The following EBF1 variants were observed in gnomAD, a reference collection of about 807,000 sequenced individuals.
The protein encoded by EBF1 is transcription factor COE1.
EBF1 carries 10 observed loss-of-function variants against 68.4 expected under a neutral mutation model. The observed-to-expected ratio is 0.15, with a 90% CI of 0.09 to 0.25. The LOEUF is 0.25. Ranked by LOEUF, EBF1 falls within the 10% of genes least tolerant of loss-of-function variation. EBF1 has a pLI of 1.00. For synonymous variants in EBF1, 298 were observed against 299.8 expected (o/e 0.99, Z 0.06); for missense variants, 509 against 794.4 (o/e 0.64, Z 4.32).
chr5:158,970,929 A>C (rs987532967), intron 6 of EBF1, among the ~76,000 whole-genome samples: 1 of 152,170 alleles, frequency 6.6e-6, no homozygotes, highest in Non-Finnish European at 1.5e-5. Flanking sequence ...TTTTAGAAGG[A>C]GATTCTTTCT....
intron 8 of EBF1, among the ~76,000 whole-genome samples, chr5:158,800,924 T>G (rs772174289): frequency 6.6e-6 from 1 of 152,158 alleles, no homozygotes; most frequent in Non-Finnish European, 1.5e-5. Flanking sequence ...TACCAGCAAA[T>G]TTTTGATTTA....
intron 6 of EBF1, among the ~76,000 whole-genome samples, chr5:158,918,536 T>C (rs960404450): frequency 6.6e-6 from 1 of 152,150 alleles, no homozygotes; most frequent in Admixed American, 6.5e-5. Flanking sequence ...ATAAAGAGAT[T>C]GAGACTAAGA....
chr5:158,817,571 T>C (rs944509929), intron 8 of EBF1, among the ~76,000 whole-genome samples: 2 of 148,872 alleles, frequency 1.3e-5, no homozygotes, highest in African/African-American at 4.9e-5. Context: ...CCGTAAGACA[T>C]AAACTCCTTT....
Position 158,709,666 on chromosome 5 carries a change from G to C in EBF1, c.1550-1493C>G, listed in dbSNP as rs569523455. ...TCCACACGCACTGAGTGCTTTATGG[G>C]GCAGAATGCAGAGCCACCATCCTCA... On this transcript the variant is annotated intron_variant, in intron 14 of 15. Transcript: ENST00000313708. Among the ~76,000 whole-genome samples, 162 of 152,224 alleles carry C rather than the reference G, an allele frequency of 1.1e-3. 2 individuals carry two copies. In the South Asian group the frequency reaches 0.032, roughly 30 times the overall value.
chr5:159,078,667 C>T (rs749495288), intron 5 of EBF1, among the ~76,000 whole-genome samples: 15 of 152,298 alleles, frequency 9.8e-5, no homozygotes, highest in Middle Eastern at 3.4e-3. Context: ...ACATCCCTTC[C>T]GAACCTGCAA....
chr5:159,062,421 G>A (rs1405248411), intron 6 of EBF1, among the ~76,000 whole-genome samples: 2 of 143,178 alleles, frequency 1.4e-5, no homozygotes, highest in African/African-American at 5.1e-5. Flanking sequence ...GTAACTTCAA[G>A]CCCCTTCTTT....
intron 6 of EBF1, among the ~76,000 whole-genome samples, chr5:158,875,392 A>T (rs923964839): frequency 6.6e-6 from 1 of 152,224 alleles, no homozygotes; most frequent in East Asian, 1.9e-4. Flanking sequence ...ATTGAAACTG[A>T]AACCAGTGTC....
chr5:158,797,486 C>T (rs1438796645), intron 8 of EBF1, among the ~76,000 whole-genome samples: 1 of 152,150 alleles, frequency 6.6e-6, no homozygotes, highest in Admixed American at 6.5e-5. Flanking sequence ...GGACCCTCAT[C>T]TTTAATAAAA....
intron 6 of EBF1, among the ~76,000 whole-genome samples, chr5:158,944,589 CG>C (rs1561586602): frequency 6.6e-6 from 1 of 152,150 alleles, no homozygotes. Flanking sequence ...CACCCAGTAA[CG>C]GGATTGCTGG....
At chr5:158,971,289 G>A (rs527315558) in intron 6 of EBF1, among the ~76,000 whole-genome samples, 10 of 152,304 alleles carry the variant, frequency 6.6e-5, no homozygotes, top group African/African-American at 2.2e-4. Flanking sequence ...CATGGGTCTC[G>A]GAAAATAGCC....
intron 6 of EBF1, among the ~76,000 whole-genome samples, chr5:159,013,023 C>G (rs1393795195): frequency 1.3e-5 from 2 of 152,196 alleles, no homozygotes. Flanking sequence ...GACCTCTGGC[C>G]TCTAGAAGTG....
intron 6 of EBF1, chr5:158,983,712 G>GA (rs1758366933): frequency 6.6e-6 from 1 of 152,144 alleles, no homozygotes; most frequent in Non-Finnish European, 1.5e-5. Flanking sequence ...TTTCAATTTG[G>GA]AAAATGAATG....
intron 10 of EBF1, among the ~76,000 whole-genome samples, chr5:158,767,954 C>T (rs944178499): frequency 1.3e-5 from 2 of 152,076 alleles, no homozygotes; most frequent in Non-Finnish European, 2.9e-5. Context: ...AAAAGTACAG[C>T]ACGTGGTGGG....
chr5:158,803,052 T>C (rs1049937496), intron 8 of EBF1, among the ~76,000 whole-genome samples: 5 of 152,096 alleles, frequency 3.3e-5, no homozygotes, highest in African/African-American at 1.2e-4. Context: ...TTTTTAAGGA[T>C]CTCATTTGCC....
At chr5:158,902,768 C>T (rs371390850) in intron 6 of EBF1, among the ~76,000 whole-genome samples, 55 of 152,058 alleles carry the variant, frequency 3.6e-4, no homozygotes, top group African/African-American at 1.2e-3. Context: ...AAAGGCTTCT[C>T]GTATGGGGAC....
At chr5:158,723,104 C>T (rs1416174406) in intron 11 of EBF1, among the ~76,000 whole-genome samples, 1 of 152,174 alleles carries the variant, frequency 6.6e-6, no homozygotes, top group East Asian at 1.9e-4. Flanking sequence ...CCCACAATGA[C>T]TCTGCAGCTA....
At chr5:158,782,534 G>C (rs1226410909) in intron 9 of EBF1, among the ~76,000 whole-genome samples, 3 of 151,914 alleles carry the variant, frequency 2.0e-5, no homozygotes, top group Admixed American at 2.0e-4. Context: ...GGCAGCATGC[G>C]CCTGTAGTCC....
intron 6 of EBF1, among the ~76,000 whole-genome samples, chr5:158,957,205 A>G (rs1817312999): frequency 6.6e-6 from 1 of 152,260 alleles, no homozygotes; most frequent in East Asian, 1.9e-4. Context: ...CTGAGGCTTC[A>G]TAAATTTAAA....
At chr5:158,846,254 G>A (rs2127985893) in intron 6 of EBF1, among the ~76,000 whole-genome samples, 1 of 152,258 alleles carries the variant, frequency 6.6e-6, no homozygotes, top group Admixed American at 6.5e-5. Context: ...ACACACACTG[G>A]AGGGTAAACA....
Sources: gnomAD v4.1 joint callset for allele counts (sites outside exome capture counted in the v4.1 genomes callset) on GRCh38, gnomAD v4.1.1 for gene constraint, MANE v1.5 for transcripts, NCBI Gene and HGNC (gene_info 2026-07-23, HGNC 2026-07-21) for gene names.